Variants in VWCE observed in about 807,000 individuals in gnomAD.
The protein encoded by VWCE is von Willebrand factor C and EGF domains.
A neutral mutation model predicts 102.9 loss-of-function variants in VWCE; 68 were observed. The observed-to-expected ratio is 0.66, with a 90% confidence interval of 0.54 to 0.81. The LOEUF is 0.81. VWCE is among the 30% of genes least tolerant of loss of function. The probability of loss-of-function intolerance (pLI) is 0.00; values close to 1 mark genes in which losing one functional copy is unlikely to be tolerated. For synonymous variants in VWCE, 497 were observed against 515.4 expected (o/e 0.96, Z 0.48); for missense variants, 1,137 against 1,263.6 (o/e 0.90, Z 1.52).
At chr11:61,268,742 T>A (rs1025341566) in intron 15 of VWCE, among the ~76,000 whole-genome samples, 180 bp downstream of exon 15, 1 of 152,194 alleles carries the variant, frequency 6.6e-6, no homozygotes, top group African/African-American at 2.4e-5. Context: ...CAGATCTGCC[T>A]CGAGCACTCA....
intron 13 of VWCE, 97 bp from the exon 14 acceptor site, chr11:61,271,857 C>A: frequency 3.9e-6 from 4 of 1,026,340 alleles, no homozygotes; most frequent in Non-Finnish European, 5.9e-6. Flanking sequence ...ACACAGACAC[C>A]GATATCACTC....
rs1276377557 is a variant in VWCE, at chr11:61,294,590, G to T, written c.110+338C>A. On this transcript the variant is annotated intron_variant, in intron 1 of 19. Transcript: ENST00000335613. The surrounding 1 kb of genome is among the most constrained non-coding windows in gnomAD (Gnocchi z 6.3). ...CAGAGCCACGGGCACGCTGGGGGGT[G>T]AGCCAGCCAGTCCGGAGACCAGATG... Among the ~76,000 whole-genome samples, 1 of 152,164 alleles carries T rather than the reference G, an allele frequency of 6.6e-6. No homozygotes were observed. The highest frequency in any genetic ancestry group is 2.4e-5 in the African/African-American group (1 of 41,452).
intron 9 of VWCE, among the ~76,000 whole-genome samples, chr11:61,279,150 G>A (rs887023916): frequency 2.0e-5 from 3 of 152,048 alleles, no homozygotes; most frequent in African/African-American, 7.2e-5. Flanking sequence ...TGTCTTCACT[G>A]CAAAATGAAA....
chr11:61,260,968 T>C (rs1433326429), intron 19 of VWCE, among the ~76,000 whole-genome samples: 1 of 152,172 alleles, frequency 6.6e-6, no homozygotes, highest in African/African-American at 2.4e-5. Flanking sequence ...CTCATGCCCA[T>C]AATCCCAGCA....
At chr11:61,283,410 G>A (rs142742306) in intron 5 of VWCE, among the ~76,000 whole-genome samples, 1 of 152,030 alleles carries the variant, frequency 6.6e-6, no homozygotes, top group Non-Finnish European at 1.5e-5. Context: ...ATTCTTTTTT[G>A]TTGTTGTTGT....
chr11:61,271,720 T>C lies in VWCE; in HGVS notation c.1740A>G (p.Gly580=), dbSNP rs1481020553. ...AGGGGTCACCAGGCGACCAGATCTGTCCAATCGGAAACTCAACCCCGTTGT... is the reference window on the plus strand; with the variant it reads ...AGGGGTCACCAGGCGACCAGATCTGCCCAATCGGAAACTCAACCCCGTTGT... The part of the protein sequence containing the change: ...LDDNGVEFPI[G]QIWSPGDPCE... Residue 580 remains glycine (G), a synonymous_variant, in exon 14 of 20, where the codon GGA becomes GGG. Transcript: ENST00000335613. 6.2e-7 allele frequency: 1 copy of C among 1,613,658 alleles called. No individual in the cohort carries two copies. Among genetic ancestry groups the C allele is most frequent in the Non-Finnish European group, 8.5e-7 (1 of 1,179,814 alleles).
chr11:61,258,532 TG>T lies in VWCE; in HGVS notation c.*142del. The T allele has an allele frequency of 1.3e-6, 1 of 798,518 alleles. No homozygotes were observed. The highest frequency in any genetic ancestry group is 1.7e-6 in the Non-Finnish European group (1 of 587,098). 49.5% of individuals were successfully genotyped at this position (798,518 alleles called of 1,614,324 possible). A position where few individuals can be genotyped will look rare whatever the true frequency, so the allele number is the denominator to read the frequency against. On this transcript the variant is annotated 3_prime_UTR_variant, in exon 20 of 20. Transcript: ENST00000335613. ...TTGGGAACAAGGTTACATCCAGCCT[TG>T]GGGGTCTTCCATCCTCACCAGGGCC... is the stretch of plus-strand genomic sequence containing the variant.
chr11:61,265,123 T>G lies in VWCE; in HGVS notation c.2055A>C (p.Arg685=), dbSNP rs770562384. Residue 685 remains arginine, a splice_region_variant and synonymous_variant, in exon 17 of 20, where the codon CGA becomes CGC. Coordinates refer to ENST00000335613, the MANE Select transcript of VWCE (RefSeq NM_152718.2). ...CGTGGGGCAGCTGGTCCCACTCACC[T>G]CGGCACACGGGGCAGCACTCCCCGT... ...HPDGECCPVC[R]DCNYEGRKVA... is the part of the protein sequence containing the mutation. The G allele has an allele frequency of 2.5e-6, 4 of 1,609,088 alleles. No homozygotes were observed. Among genetic ancestry groups the G allele is most frequent in the South Asian group, 2.2e-5 (2 of 90,316 alleles).
At chr11:61,288,551 G>T (rs369033832) in intron 4 of VWCE, among the ~76,000 whole-genome samples, 27 of 152,128 alleles carry the variant, frequency 1.8e-4, no homozygotes, top group African/African-American at 5.8e-4. Flanking sequence ...CATTCCACTG[G>T]GATGTCTCGT....
Position 61,295,000 on chromosome 11 carries a change from G to A in VWCE, c.38C>T (p.Ala13Val). 5 of 1,472,734 alleles carry A rather than the reference G, an allele frequency of 3.4e-6. No individual in the cohort carries two copies. Among genetic ancestry groups the A allele is most frequent in the Non-Finnish European group, 3.6e-6 (4 of 1,113,298 alleles). 91.2% of individuals were successfully genotyped at this position (1,472,734 alleles called of 1,614,324 possible). Residue 13 changes from alanine (A) to valine (V), a missense_variant, in exon 1 of 20, where the codon GCG becomes GTG. Ala to Val is a moderately conservative substitution (Grantham distance 64). This residue lies in a region of VWCE where 575 missense variants were observed against 625.9 expected (regional missense o/e 0.92). Coordinates refer to ENST00000335613, the MANE Select transcript of VWCE (RefSeq NM_152718.2). This position sits in a 1 kb window ranked among gnomAD's most constrained non-coding sequence, Gnocchi z 6.3. ...GGCTGGTGCCCCCGGCAGCAGGAGCGCGACACAGGCGGCCCGAAGGAGCAG... is the reference window on the plus strand; with the variant it reads ...GGCTGGTGCCCCCGGCAGCAGGAGCACGACACAGGCGGCCCGAAGGAGCAG... The part of the protein sequence containing the change: ...AGLLLRAACV[A>V]LLLPGAPARG...
rs1348647290 is a variant in VWCE at position 61,294,274 on chromosome 11, G to A, written c.110+654C>T. On this transcript the variant is annotated intron_variant, in intron 1 of 19. Transcript: ENST00000335613. This position sits in a 1 kb window ranked among gnomAD's most constrained non-coding sequence, Gnocchi z 6.3. The stretch of plus-strand genomic sequence containing the variant: ...GGGCCGCCCCCGCTGCGCGCCCCCC[G>A]GAGGACGTGGCCGCGGGCCAGGCCG... Among the ~76,000 whole-genome samples the A allele has an allele frequency of 1.3e-5, 2 of 151,880 alleles. No individual in the cohort carries two copies. Among genetic ancestry groups the A allele is most frequent in the Non-Finnish European group, 2.9e-5 (2 of 67,950 alleles).
chr11:61,277,233 G>C (rs941086239), intron 10 of VWCE, among the ~76,000 whole-genome samples: 1 of 152,086 alleles, frequency 6.6e-6, no homozygotes, highest in East Asian at 1.9e-4. Flanking sequence ...GGAAGAGTTC[G>C]ATAAGGGGTG....
At position 61,265,192 on chromosome 11, in the gene VWCE, G is replaced by A. The variant is rs755125975; in HGVS notation, c.1986C>T (p.Ser662=). The A allele has an allele frequency of 1.3e-6, 2 of 1,498,868 alleles. No homozygotes were observed. The highest frequency in any genetic ancestry group is 2.4e-5 in the East Asian group (1 of 41,290). 92.8% of individuals were successfully genotyped at this position (1,498,868 alleles called of 1,614,324 possible). A position where few individuals can be genotyped will look rare whatever the true frequency, so the allele number is the denominator to read the frequency against. ...TACAGGTGATGGGGCAGTCCACGGG[G>A]GAACAGGCCACTGAGCCCAGCTGCA... ...CICLLGSVAC[S]PVDCPITCTY... The change falls in exon 17 of 20, where the codon TCC becomes TCT. Residue 662 remains serine, a synonymous_variant. Transcript: ENST00000335613.
intron 4 of VWCE, 45 bp downstream of exon 4, chr11:61,290,754 C>G (rs116767489): frequency 1.3e-6 from 2 of 1,565,202 alleles, no homozygotes; most frequent in South Asian, 1.2e-5. Flanking sequence ...AGATATAATT[C>G]CCGCTGTCCC....
intron 10 of VWCE, among the ~76,000 whole-genome samples, chr11:61,277,947 A>G (rs1253580597): frequency 6.6e-6 from 1 of 152,178 alleles, no homozygotes; most frequent in African/African-American, 2.4e-5. Flanking sequence ...GCAGGCACAC[A>G]GTAAGTGCTT....
At chr11:61,276,346 C>T (rs1254892406) in intron 11 of VWCE, among the ~76,000 whole-genome samples, 1 of 151,148 alleles carries the variant, frequency 6.6e-6, no homozygotes, top group African/African-American at 2.4e-5. Flanking sequence ...ACCTGGGAGG[C>T]GGAGGTTGCA....
At chr11:61,272,449 C>A (rs1446125792) in intron 13 of VWCE, among the ~76,000 whole-genome samples, 4 of 150,738 alleles carry the variant, frequency 2.7e-5, no homozygotes, top group African/African-American at 9.8e-5. Context: ...ACATAACATA[C>A]ATACCACAGA....
At chr11:61,259,804 C>T (rs1854301862) in intron 19 of VWCE, among the ~76,000 whole-genome samples, 1 of 152,162 alleles carries the variant, frequency 6.6e-6, no homozygotes, top group African/African-American at 2.4e-5. Flanking sequence ...TTGCCATGAT[C>T]ATCAAACTGC....
At position 61,294,425 on chromosome 11, in the gene VWCE, C is replaced by T. The variant is rs1372548823; in HGVS notation, c.110+503G>A. ...CGAAAGACAGCGGAGGGGCATGCACCCCACCCCCACGCGCGCACACGCACG... is the reference window on the plus strand; with the variant it reads ...CGAAAGACAGCGGAGGGGCATGCACTCCACCCCCACGCGCGCACACGCACG... On this transcript the variant is annotated intron_variant, in intron 1 of 19. Coordinates refer to ENST00000335613, the MANE Select transcript of VWCE (RefSeq NM_152718.2). The surrounding 1 kb of genome is among the most constrained non-coding windows in gnomAD (Gnocchi z 6.3). Among the ~76,000 whole-genome samples the T allele has an allele frequency of 6.6e-6, 1 of 152,170 alleles. No individual in the cohort carries two copies. Among genetic ancestry groups the T allele is most frequent in the African/African-American group, 2.4e-5 (1 of 41,444 alleles).
Sources: allele counts gnomAD v4.1 joint callset (sites outside exome capture counted in the v4.1 genomes callset), GRCh38; gene constraint gnomAD v4.1.1; regional missense constraint gnomAD v4.1.1; non-coding constraint Gnocchi (gnomAD v3.1); transcripts MANE v1.5; gene names NCBI Gene and HGNC (gene_info 2026-07-23, HGNC 2026-07-21).